Variants in ZNF502 observed in about 807,000 individuals in gnomAD.
ZNF502 encodes the protein zinc finger protein 502.
Under a neutral mutation model 43.6 loss-of-function variants are expected in ZNF502, and 29 were observed. The observed-to-expected ratio is 0.67, with a 90% CI of 0.50 to 0.91. The LOEUF (loss-of-function observed/expected upper bound fraction) is 0.91. Among genes scored for constraint, ZNF502 ranks in the 40% least tolerant of loss-of-function variants. The pLI is 0.00. For synonymous variants in ZNF502, 171 were observed against 207.4 expected, an observed-to-expected ratio of 0.82 and a Z score of 1.51; for missense variants, 591 against 647.2, an observed-to-expected ratio of 0.91 and a Z score of 0.94.
Position 44,723,429 on chromosome 3 carries a change from A to G in ZNF502, c.*977A>G, listed in dbSNP as rs544002881. The G allele has an allele frequency of 7.9e-5, 12 of 152,366 alleles. No individual in the cohort carries two copies. In the East Asian group the frequency reaches 1.3e-3, roughly 17 times the overall value. 9.4% of individuals were successfully genotyped at this position (152,366 alleles called of 1,614,324 possible). On this transcript the variant is annotated 3_prime_UTR_variant, in exon 3 of 3. Transcript: ENST00000436624. ...GGAGAGAGACACACTAGGACTAACA[A>G]TGTCCTAACAAAATGGTACTTAGTT...
chr3:44,721,566 A>C lies in ZNF502; in HGVS notation c.749A>C (p.Asn250Thr), dbSNP rs756677539. ...KCNECGNSFRNHSHLTEHQRI... is the reference protein window; with the variant it reads ...KCNECGNSFRTHSHLTEHQRI... ...AATGAATGTGGGAATTCCTTCCGCA[A>C]TCACTCACATCTCACTGAACACCAG... The change falls in exon 3 of 3, where the codon AAT (asparagine) becomes ACT (threonine). Residue 250 changes from asparagine (N) to threonine (T), a missense_variant. Asn to Thr is a moderately conservative substitution (Grantham distance 65). Coordinates refer to ENST00000436624, the MANE Select transcript of ZNF502 (RefSeq NM_001134442.3). The C allele has an allele frequency of 4.4e-6, 7 of 1,607,478 alleles. No individual in the cohort carries two copies. In the Admixed American group the frequency reaches 1.2e-4, roughly 27 times the overall value.
chr3:44,714,490 G>A (rs1019426359), intron 1 of ZNF502: 2 of 152,162 alleles, frequency 1.3e-5, no homozygotes, highest in African/African-American at 4.8e-5. Context: ...GTCTGTTTCT[G>A]TTTTCAGACT....
chr3:44,720,142 G>T, intron 1 of ZNF502, 61 bp from the exon 2 acceptor site: 1 of 1,054,836 alleles, frequency 9.5e-7, no homozygotes, highest in Admixed American at 1.8e-5. Context: ...CTTTGTTTTC[G>T]TTCTGTTTAC....
chr3:44,721,441 G>C lies in ZNF502; in HGVS notation c.624G>C (p.Val208=). 1 of 1,614,154 alleles carries C rather than the reference G, an allele frequency of 6.2e-7. No individual in the cohort carries two copies. The highest frequency in any genetic ancestry group is 1.1e-5 in the South Asian group (1 of 91,078). ...AACATCAAAGAATTCACACTGGAGTGAAACCATATGGATGTGAGCAGTGTG... is the reference window on the plus strand; with the variant it reads ...AACATCAAAGAATTCACACTGGAGTCAAACCATATGGATGTGAGCAGTGTG... ...LVQHQRIHTG[V]KPYGCEQCGK... is the part of the protein sequence containing the mutation. The change falls in exon 3 of 3, where the codon GTG becomes GTC. Residue 208 remains valine, a synonymous_variant. Coordinates refer to ENST00000436624, the MANE Select transcript of ZNF502 (RefSeq NM_001134442.3).
At chr3:44,714,055 A>G (rs1272150926) in intron 1 of ZNF502, among the ~76,000 whole-genome samples, 1 of 152,146 alleles carries the variant, frequency 6.6e-6, no homozygotes. Flanking sequence ...AGAGGAGTAC[A>G]TTTCAATGTG....
At chr3:44,717,931 G>A (rs1005660957) in intron 1 of ZNF502, among the ~76,000 whole-genome samples, 16 of 152,158 alleles carry the variant, frequency 1.1e-4, no homozygotes, top group African/African-American at 3.1e-4. Context: ...GATTACAAGT[G>A]TGAGCTACCT....
intron 1 of ZNF502, among the ~76,000 whole-genome samples, chr3:44,717,908 C>T (rs887308869): frequency 6.6e-6 from 1 of 152,064 alleles, no homozygotes; most frequent in Admixed American, 6.6e-5. Flanking sequence ...ACCTTGGCCT[C>T]CTAAAGTGCT....
rs1338361417 is a variant in ZNF502, at chr3:44,723,334, C to A, written c.*882C>A. The A allele has an allele frequency of 6.6e-6, 1 of 152,228 alleles. No individual in the cohort carries two copies. Among genetic ancestry groups the A allele is most frequent in the Non-Finnish European group, 1.5e-5 (1 of 68,060 alleles). The allele number at this position is 152,228 out of a possible 1,614,324, so 9.4% of individuals were successfully genotyped here. On this transcript the variant is annotated 3_prime_UTR_variant, in exon 3 of 3. Coordinates refer to ENST00000436624, the MANE Select transcript of ZNF502 (RefSeq NM_001134442.3). ...GTGACTGAGCAAGTCACCTACATAA[C>A]CCTGCCTGTACTAAGGTGTACACCT...
At chr3:44,713,586 G>GT (rs61232925) in intron 1 of ZNF502, among the ~76,000 whole-genome samples, 3,892 of 144,964 alleles carry the variant, frequency 0.027, 50 homozygotes, top group African/African-American at 0.045. Context: ...TTTTTGGTTT[G>GT]TTTTTTTTTT....
intron 1 of ZNF502, among the ~76,000 whole-genome samples, chr3:44,718,345 CT>C (rs1421985302): frequency 6.6e-6 from 1 of 152,174 alleles, no homozygotes; most frequent in Non-Finnish European, 1.5e-5. Flanking sequence ...AAGCCTTCAC[CT>C]TGCCCTCCCA....
rs776957124 is a variant in ZNF502, at chr3:44,720,252, C to A, written c.-10C>A. 2.5e-6 allele frequency: 4 copies of A among 1,613,980 alleles called. No homozygotes were observed. Among genetic ancestry groups the A allele is most frequent in the African/African-American group, 1.3e-5 (1 of 75,008 alleles). On this transcript the variant is annotated 5_prime_UTR_variant, in exon 2 of 3. Transcript: ENST00000436624. ...GTGTTTTCCAATCAAAGCGAAGAGA[C>A]GATCTGTGGATGTTGAATATGCAAG... is the stretch of plus-strand genomic sequence containing the variant.
chr3:44,716,118 C>T (rs892140753), intron 1 of ZNF502, among the ~76,000 whole-genome samples: 1 of 151,582 alleles, frequency 6.6e-6, no homozygotes, highest in African/African-American at 2.4e-5. Context: ...TTCTGTTTCT[C>T]TTCTCTCTGG....
At chr3:44,713,854 A>G (rs1299829938) in intron 1 of ZNF502, among the ~76,000 whole-genome samples, 1 of 152,220 alleles carries the variant, frequency 6.6e-6, no homozygotes, top group Admixed American at 6.5e-5. Flanking sequence ...TTCTGGGATT[A>G]TAGGCGTGAA....
intron 1 of ZNF502, among the ~76,000 whole-genome samples, chr3:44,719,034 C>T (rs1274160967): frequency 1.3e-5 from 2 of 149,896 alleles, no homozygotes; most frequent in South Asian, 2.1e-4. Flanking sequence ...AGTGCAATGG[C>T]GCAATCTCAG....
In ZNF502 at chr3:44,721,829, C is replaced by G; in HGVS notation, c.1012C>G (p.Leu338Val). The change falls in exon 3 of 3, where the codon CTC becomes GTC. Residue 338 changes from leucine to valine, a missense_variant. Leu to Val is a conservative substitution (Grantham distance 32, BLOSUM62 1). Transcript: ENST00000436624. The part of the protein sequence containing the change: ...CGKTFQTKAN[L>V]SQHQRIHSGE... ...GAAAACTTTCCAAACAAAGGCAAAC[C>G]TCTCTCAGCATCAGAGAATTCATAG... The G allele has an allele frequency of 6.2e-7, 1 of 1,614,152 alleles. No individual in the cohort carries two copies. Among genetic ancestry groups the G allele is most frequent in the South Asian group, 1.1e-5 (1 of 91,076 alleles).
At chr3:44,719,709 G>C (rs1704253789) in intron 1 of ZNF502, among the ~76,000 whole-genome samples, 1 of 152,218 alleles carries the variant, frequency 6.6e-6, no homozygotes. Flanking sequence ...TCTCTAGTTT[G>C]TATCAAGTAG....
At chr3:44,713,998 G>A (rs1386692262) in intron 1 of ZNF502, among the ~76,000 whole-genome samples, 6 of 152,194 alleles carry the variant, frequency 3.9e-5, no homozygotes, top group African/African-American at 1.4e-4. Flanking sequence ...CACAGCTTGG[G>A]TGAGTGCACT....
chr3:44,717,300 AT>A (rs1310843453), intron 1 of ZNF502, among the ~76,000 whole-genome samples: 1 of 147,792 alleles, frequency 6.8e-6, no homozygotes, highest in Non-Finnish European at 1.5e-5. Flanking sequence ...ATATTAAATT[AT>A]TTTTATTTAC....
chr3:44,714,484 G>C (rs1704095945), intron 1 of ZNF502: 1 of 152,180 alleles, frequency 6.6e-6, no homozygotes, highest in Non-Finnish European at 1.5e-5. Flanking sequence ...CATATTGTCT[G>C]TTTCTGTTTT....
Sources: allele counts gnomAD v4.1 joint callset (sites outside exome capture counted in the v4.1 genomes callset), GRCh38; gene constraint gnomAD v4.1.1; transcripts MANE v1.5; gene names NCBI Gene and HGNC (gene_info 2026-07-23, HGNC 2026-07-21).